Variants in ZBTB40 observed in about 807,000 individuals in gnomAD.
The protein encoded by ZBTB40 is zinc finger and BTB domain-containing protein 40.
Under a neutral mutation model 117.5 loss-of-function variants are expected in ZBTB40, and 60 were observed. The observed-to-expected ratio is 0.51, with a 90% CI of 0.41 to 0.63. The LOEUF (loss-of-function observed/expected upper bound fraction) is 0.63, where lower values mean the gene tolerates loss of function less well. Ranked by LOEUF, ZBTB40 falls within the 30% of genes least tolerant of loss-of-function variation. The pLI is 0.00. For synonymous variants in ZBTB40, 525 were observed against 577.1 expected, an observed-to-expected ratio of 0.91 and a Z score of 1.29; for missense variants, 1,287 against 1,498.5, an observed-to-expected ratio of 0.86 and a Z score of 2.33.
chr1:22,519,189 T>C (rs867229853), intron 13 of ZBTB40, among the ~76,000 whole-genome samples: 3 of 152,262 alleles, frequency 2.0e-5, no homozygotes, highest in Admixed American at 6.5e-5. Flanking sequence ...ACATAAAAGA[T>C]TGGCTTGTGA....
intron 17 of ZBTB40, among the ~76,000 whole-genome samples, chr1:22,524,956 C>G (rs1290325923): frequency 6.6e-6 from 1 of 152,192 alleles, no homozygotes; most frequent in Non-Finnish European, 1.5e-5. Flanking sequence ...CTCTTCTTCC[C>G]ATCTTCTCCA....
intron 1 of ZBTB40, among the ~76,000 whole-genome samples, chr1:22,485,804 T>C (rs993685968): frequency 6.6e-6 from 1 of 152,212 alleles, no homozygotes; most frequent in Non-Finnish European, 1.5e-5. Flanking sequence ...GGAGATTCTT[T>C]CCTCAGTCGT....
rs1048308754 is a variant in ZBTB40 at position 22,528,746 on chromosome 1, G to A, written c.*2350G>A. ...AGACAGGGTCTCGCCATGTTGCCCA[G>A]GCTGGTTTAAAACTCCTGAGCTCAA... On this transcript the variant is annotated 3_prime_UTR_variant, in exon 18 of 18. Coordinates refer to ENST00000375647, the MANE Select transcript of ZBTB40 (RefSeq NM_014870.4). 5 of 150,666 alleles carry A rather than the reference G, an allele frequency of 3.3e-5. No individual in the cohort carries two copies. Among genetic ancestry groups the A allele is most frequent in the Admixed American group, 1.3e-4 (2 of 15,136 alleles). The allele number at this position is 150,666 out of a possible 1,614,324, so 9.3% of individuals were successfully genotyped here.
chr1:22,490,687 G>C (rs1396429309), intron 2 of ZBTB40, 42 bp downstream of exon 2: 1 of 1,602,596 alleles, frequency 6.2e-7, no homozygotes, highest in East Asian at 2.2e-5. Context: ...TGTTTTCAAT[G>C]ATCTTTATCA....
intron 16 of ZBTB40, among the ~76,000 whole-genome samples, 166 bp downstream of exon 16, chr1:22,522,629 G>A (rs900223756): frequency 2.6e-5 from 4 of 152,170 alleles, no homozygotes; most frequent in Non-Finnish European, 5.9e-5. Context: ...AGAGTAGTGT[G>A]AAAAACTGAA....
intron 1 of ZBTB40, among the ~76,000 whole-genome samples, chr1:22,466,549 ATTTTCTG>A (rs1337791949): frequency 6.6e-6 from 1 of 151,774 alleles, no homozygotes; most frequent in African/African-American, 2.4e-5. Flanking sequence ...CAACACTTGT[ATTTTCTG>A]TTTTCTGTTT....
chr1:22,508,490 G>A (rs372372568), intron 7 of ZBTB40, 40 bp from the exon 8 acceptor site: 3 of 1,610,126 alleles, frequency 1.9e-6, no homozygotes, highest in African/African-American at 1.3e-5. Context: ...GCTAGTGGCT[G>A]GAGAGTCTCT....
At chr1:22,489,401 A>G (rs1638560277) in intron 1 of ZBTB40, among the ~76,000 whole-genome samples, 1 of 151,966 alleles carries the variant, frequency 6.6e-6, no homozygotes, top group African/African-American at 2.4e-5. Flanking sequence ...GAGAATGATG[A>G]CCTCCGTCCC....
chr1:22,430,363 C>T (rs915690878), intron 1 of ZBTB40, among the ~76,000 whole-genome samples: 1 of 152,150 alleles, frequency 6.6e-6, no homozygotes, highest in Non-Finnish European at 1.5e-5. Flanking sequence ...GCTGAGAGGG[C>T]AGATCACTTG....
chr1:22,494,226 T>C (rs1638712120), intron 3 of ZBTB40, among the ~76,000 whole-genome samples: 1 of 152,220 alleles, frequency 6.6e-6, no homozygotes, highest in African/African-American at 2.4e-5. Flanking sequence ...GATGGTTTGC[T>C]GTTACTTTAA....
In ZBTB40 at chr1:22,490,750, C is replaced by T. The variant is rs1455601908; in HGVS notation, c.697+105C>T. On this transcript the variant is annotated intron_variant, in intron 2 of 17. Transcript: ENST00000375647. ...CAAAGACCACTGTTAGGTAGAAAAC[C>T]AAAATTCAGTGCAGTACCGTACTGG... The T allele has an allele frequency of 4.5e-6, 6 of 1,344,362 alleles. No homozygotes were observed. The Admixed American group carries it at 9.8e-5, about 22-fold the overall frequency. The allele number at this position is 1,344,362 out of a possible 1,614,324, so 83.3% of individuals were successfully genotyped here. A position where few individuals can be genotyped will look rare whatever the true frequency, so the allele number is the denominator to read the frequency against.
chr1:22,507,246 A>G (rs1156559845), intron 6 of ZBTB40, among the ~76,000 whole-genome samples: 4 of 152,212 alleles, frequency 2.6e-5, no homozygotes, highest in African/African-American at 9.6e-5. Context: ...TAAGGGTGGT[A>G]CCTATCACAT....
chr1:22,461,488 C>G (rs1426095040), intron 1 of ZBTB40, among the ~76,000 whole-genome samples: 1 of 152,032 alleles, frequency 6.6e-6, no homozygotes, highest in Non-Finnish European at 1.5e-5. Context: ...TTGTTAGCTC[C>G]TTAAGTTAAC....
At chr1:22,483,505 ATC>A (rs1557497716) in intron 1 of ZBTB40, among the ~76,000 whole-genome samples, 2 of 152,126 alleles carry the variant, frequency 1.3e-5, no homozygotes, top group African/African-American at 4.8e-5. Context: ...GTGTGATGGT[ATC>A]TTGTTTTAAT....
At chr1:22,462,178 T>C (rs192703265) in intron 1 of ZBTB40, among the ~76,000 whole-genome samples, 14 of 152,340 alleles carry the variant, frequency 9.2e-5, no homozygotes, top group Middle Eastern at 3.4e-3. Context: ...AGAAAGAATC[T>C]AAGGTTAAGA....
rs539370362 is a variant in ZBTB40, at chr1:22,520,196, C to A, written c.2969C>A (p.Pro990Gln). The change falls in exon 14 of 18, where the codon CCG becomes CAG. Residue 990 changes from proline to glutamine, a missense_variant. Around this residue, in one of 2 missense-constraint regions of ZBTB40, gnomAD observed 417 missense variants for 564.1 expected, o/e 0.74. Transcript: ENST00000375647. ...ACGTGTGGGAAGATCTTCAGTGCCC[C>A]GTCCATGCTGGAGCGGCACGTGGTG... Reference protein sequence around the residue: ...CPTCGKIFSAPSMLERHVVTH... With the variant: ...CPTCGKIFSAQSMLERHVVTH... The A allele has an allele frequency of 1.5e-5, 25 of 1,613,984 alleles. No homozygotes were observed. The highest frequency in any genetic ancestry group is 2.1e-5 in the Non-Finnish European group (25 of 1,180,006).
chr1:22,522,256 G>A (rs1182725130), intron 15 of ZBTB40, 121 bp from the exon 16 acceptor site: 1 of 901,088 alleles, frequency 1.1e-6, no homozygotes, highest in Non-Finnish European at 1.9e-6. Context: ...AAGATTCCTG[G>A]CACTTGGTAG....
In ZBTB40 at chr1:22,431,384, G is replaced by GTGTGTGTGTATA. The variant is rs1222294324; in HGVS notation, c.-70+2371_-70+2372insGTGTGTGTATAT. On this transcript the variant is annotated intron_variant, in intron 1 of 8. Transcript: ENST00000650433. ...ATTTTGTGTGTGTGTGTGTGTGTGT[G>GTGTGTGTGTATA]TATATATATATATATATATATATAT... Among the ~76,000 whole-genome samples, 320 of 119,640 alleles carry GTGTGTGTGTATA rather than the reference G, an allele frequency of 2.7e-3. 1 individual carries two copies. Among genetic ancestry groups the GTGTGTGTGTATA allele is most frequent in the African/African-American group, 0.011 (297 of 26,904 alleles). 78.5% of individuals were successfully genotyped at this position (119,640 alleles called of 152,430 possible).
chr1:22,519,673 G>C (rs2124469524), intron 13 of ZBTB40: 1 of 324,586 alleles, frequency 3.1e-6, no homozygotes, highest in East Asian at 8.0e-5. Context: ...GCTCTGGGGA[G>C]TGTGCTGGAA....
Sources: allele counts gnomAD v4.1 joint callset (sites outside exome capture counted in the v4.1 genomes callset), GRCh38; gene constraint gnomAD v4.1.1; regional missense constraint gnomAD v4.1.1; transcripts MANE v1.5; gene names NCBI Gene and HGNC (gene_info 2026-07-23, HGNC 2026-07-21).